Variants in GPC5 observed in about 807,000 individuals in gnomAD.
GPC5 encodes the protein glypican-5.
GPC5 carries 47 observed loss-of-function variants against 53.9 expected under a neutral mutation model. The ratio of observed to expected loss-of-function variants is 0.87; its 90% CI spans 0.69 to 1.11. The LOEUF is 1.11. Among genes scored for constraint, GPC5 ranks in the 50% most tolerant of loss-of-function variants. The pLI is 0.00. For missense variants in GPC5, 748 were observed against 713.1 expected, an observed-to-expected ratio of 1.05 and a Z score of -0.56; for synonymous variants, 286 against 263.3, an observed-to-expected ratio of 1.09 and a Z score of -0.84.
intron 6 of GPC5, among the ~76,000 whole-genome samples, chr13:92,034,198 A>G (rs1224813769): frequency 6.6e-6 from 1 of 152,160 alleles, no homozygotes. Context: ...TGTATAATAA[A>G]ATCAAAAGGA....
intron 7 of GPC5, among the ~76,000 whole-genome samples, chr13:92,530,417 T>G (rs1023247731): frequency 7.7e-6 from 1 of 130,618 alleles, no homozygotes; most frequent in African/African-American, 2.7e-5. Flanking sequence ...ATTTTGTCAG[T>G]GCAGCCAGTG....
At chr13:91,426,258 C>G (rs1879041920) in intron 1 of GPC5, among the ~76,000 whole-genome samples, 1 of 151,686 alleles carries the variant, frequency 6.6e-6, no homozygotes, top group Non-Finnish European at 1.5e-5. Flanking sequence ...GGTAGCCCCT[C>G]CCGTCACAGG....
rs892586825 is a variant in GPC5 at position 91,584,709 on chromosome 13, C to T, written c.326-108478C>T. Among the ~76,000 whole-genome samples the T allele has an allele frequency of 6.6e-5, 10 of 152,098 alleles. No homozygotes were observed. In the East Asian group the frequency reaches 1.9e-3, roughly 29 times the overall value. ...TTCTCCTGTCTCAGCCTCCCTGCCT[C>T]AGCGGGATTACAGGTGCCCACCACC... On this transcript the variant is annotated intron_variant, in intron 2 of 7. Transcript: ENST00000377067.
intron 7 of GPC5, among the ~76,000 whole-genome samples, chr13:92,819,399 G>A (rs1053747804): frequency 1.3e-5 from 2 of 152,088 alleles, no homozygotes; most frequent in Non-Finnish European, 2.9e-5. Context: ...AAAACAAAAG[G>A]AAAATAAGTT....
chr13:92,748,450 G>A (rs974682986), intron 7 of GPC5, among the ~76,000 whole-genome samples: 1 of 151,468 alleles, frequency 6.6e-6, no homozygotes, highest in African/African-American at 2.4e-5. Flanking sequence ...CTCTGCCTCA[G>A]CCTCCTGAGT....
chr13:92,632,485 T>TATAC (rs138355646), intron 7 of GPC5, among the ~76,000 whole-genome samples: 14,165 of 137,318 alleles, frequency 0.1, 978 homozygotes, highest in East Asian at 0.28. Context: ...TATATATATA[T>TATAC]ACACATATAT....
chr13:91,413,211 G>A (rs1475681258), intron 1 of GPC5, among the ~76,000 whole-genome samples: 1 of 152,188 alleles, frequency 6.6e-6, no homozygotes, highest in African/African-American at 2.4e-5. Context: ...AGCCCAGGAG[G>A]TGAAGGCTGC....
chr13:91,894,585 T>C (rs935335994), intron 5 of GPC5, among the ~76,000 whole-genome samples: 2 of 152,298 alleles, frequency 1.3e-5, no homozygotes, highest in Admixed American at 1.3e-4. Context: ...GACAATCCTA[T>C]AAATCTTGTC....
intron 5 of GPC5, among the ~76,000 whole-genome samples, chr13:91,816,317 A>C (rs7985030): frequency 0.048 from 7,352 of 152,180 alleles, 366 homozygotes; most frequent in East Asian, 0.22. Context: ...TGAATGCTTA[A>C]AAGAATGGCA....
chr13:92,857,659 T>A (rs912268017), intron 7 of GPC5, among the ~76,000 whole-genome samples: 1 of 151,824 alleles, frequency 6.6e-6, no homozygotes, highest in African/African-American at 2.4e-5. Context: ...GTGGGCAAAG[T>A]ACATGAAGAG....
intron 2 of GPC5, among the ~76,000 whole-genome samples, chr13:91,455,250 A>C (rs933383439): frequency 3.5e-4 from 53 of 152,184 alleles, no homozygotes; most frequent in African/African-American, 1.2e-3. Context: ...TAGGCTATGC[A>C]CTTGTTTACT....
At chr13:92,675,155 CAG>C (rs35663051) in intron 7 of GPC5, among the ~76,000 whole-genome samples, 33,545 of 151,798 alleles carry the variant, frequency 0.22, 4,351 homozygotes, top group South Asian at 0.36. Context: ...CAGAAATTAT[CAG>C]AGAGTTATAA....
chr13:92,818,578 G>A (rs1331499976), intron 7 of GPC5, among the ~76,000 whole-genome samples: 1 of 151,902 alleles, frequency 6.6e-6, no homozygotes, highest in Non-Finnish European at 1.5e-5. Flanking sequence ...CAAACTGCAG[G>A]TATTGAAAGA....
rs1441682637 is a variant in GPC5 at position 92,204,543 on chromosome 13, A to C, written c.1561+59554A>C. ...CAAAATTAAAGGGAAAAGTCCACACAACACTACCCTCTCTTTTGACACCAA... is the reference window on the plus strand; with the variant it reads ...CAAAATTAAAGGGAAAAGTCCACACCACACTACCCTCTCTTTTGACACCAA... On this transcript the variant is annotated intron_variant, in intron 7 of 7. Transcript: ENST00000377067. Among the ~76,000 whole-genome samples the C allele has an allele frequency of 2.0e-5, 3 of 152,166 alleles. No homozygotes were observed. The East Asian group carries it at 5.8e-4, about 29-fold the overall frequency.
intron 6 of GPC5, among the ~76,000 whole-genome samples, chr13:92,127,985 G>T (rs552622351): frequency 6.6e-6 from 1 of 152,158 alleles, no homozygotes; most frequent in Non-Finnish European, 1.5e-5. Flanking sequence ...AGGGACCAGG[G>T]TTTCCATTTG....
intron 6 of GPC5, among the ~76,000 whole-genome samples, chr13:92,070,628 T>C (rs2041203495): frequency 6.6e-6 from 1 of 152,242 alleles, no homozygotes; most frequent in South Asian, 2.1e-4. Context: ...TTTTTGAATC[T>C]GCATCAATTG....
intron 5 of GPC5, among the ~76,000 whole-genome samples, chr13:91,906,183 C>T (rs1242664315): frequency 6.6e-6 from 1 of 151,850 alleles, no homozygotes; most frequent in Admixed American, 6.6e-5. Flanking sequence ...AATGGAGGCC[C>T]GTTCTCCCTG....
chr13:92,176,549 A>G (rs1164563792), intron 7 of GPC5, among the ~76,000 whole-genome samples: 1 of 152,182 alleles, frequency 6.6e-6, no homozygotes, highest in African/African-American at 2.4e-5. Flanking sequence ...GAAAAAAAAT[A>G]AATGAAGGGT....
chr13:91,853,339 A>G (rs953000951), intron 5 of GPC5, among the ~76,000 whole-genome samples: 1 of 152,056 alleles, frequency 6.6e-6, no homozygotes, highest in Admixed American at 6.6e-5. Context: ...TTAAAATATC[A>G]TAGTTGATAT....
Sources: allele counts gnomAD v4.1 joint callset (sites outside exome capture counted in the v4.1 genomes callset), GRCh38; gene constraint gnomAD v4.1.1; transcripts MANE v1.5; gene names NCBI Gene and HGNC (gene_info 2026-07-23, HGNC 2026-07-21).